The following RANBP2 variants were observed in gnomAD, a reference collection of about 807,000 sequenced individuals.
RANBP2 encodes the protein E3 SUMO-protein ligase RanBP2.
Under a neutral mutation model 303.6 loss-of-function variants are expected in RANBP2, and 57 were observed. The observed-to-expected ratio is 0.19, with a 90% confidence interval of 0.15 to 0.23. The LOEUF (loss-of-function observed/expected upper bound fraction) is 0.23, where lower values mean the gene tolerates loss of function less well. RANBP2 is among the 10% of genes least tolerant of loss of function. The probability of loss-of-function intolerance (pLI) is 1.00; values close to 1 mark genes in which losing one functional copy is unlikely to be tolerated. For synonymous variants in RANBP2, 1,167 were observed against 1,301.5 expected (o/e 0.90, Z 2.23); for missense variants, 3,138 against 3,780.8 (o/e 0.83, Z 4.46).
At chr2:108,934,033 C>G in the RANBP2 span, among the ~76,000 whole-genome samples, 1 of 152,172 alleles carries the variant, frequency 6.6e-6, no homozygotes, top group Non-Finnish European at 1.5e-5. Flanking sequence ...AGCTGAGCCT[C>G]GGAGGGCTTC....
the RANBP2 span, among the ~76,000 whole-genome samples, chr2:109,248,250 G>A: frequency 5.9e-5 from 9 of 152,126 alleles, no homozygotes; most frequent in South Asian, 4.1e-4. Flanking sequence ...AATAAACAAG[G>A]TCACTTCTCT....
the RANBP2 span, among the ~76,000 whole-genome samples, chr2:109,737,700 A>G: frequency 5.6e-4 from 86 of 152,276 alleles, 1 homozygote; most frequent in East Asian, 0.013. Flanking sequence ...CCAACAGTGT[A>G]AAAGAATTCC....
the RANBP2 span, among the ~76,000 whole-genome samples, chr2:109,264,137 G>A: frequency 4.6e-5 from 7 of 151,472 alleles, no homozygotes; most frequent in African/African-American, 9.7e-5. Context: ...GATCCACCTC[G>A]AGTCTGTGGG....
the RANBP2 span, among the ~76,000 whole-genome samples, chr2:109,645,461 G>A: frequency 6.6e-6 from 1 of 152,168 alleles, no homozygotes; most frequent in Non-Finnish European, 1.5e-5. Context: ...ATTAGTAAGC[G>A]AAACTACGCC....
the RANBP2 span, among the ~76,000 whole-genome samples, chr2:109,333,549 C>A: frequency 6.6e-6 from 1 of 152,232 alleles, no homozygotes; most frequent in Non-Finnish European, 1.5e-5. Flanking sequence ...AACACAATCT[C>A]ACCCACTAAT....
At chr2:109,656,850 T>TA in the RANBP2 span, among the ~76,000 whole-genome samples, 4 of 151,968 alleles carry the variant, frequency 2.6e-5, no homozygotes, top group Non-Finnish European at 4.4e-5. Flanking sequence ...AAATGGAGAG[T>TA]AGATGAAGCA....
At chr2:108,881,014 T>A in the RANBP2 span, among the ~76,000 whole-genome samples, 1 of 152,226 alleles carries the variant, frequency 6.6e-6, no homozygotes, top group Non-Finnish European at 1.5e-5. Flanking sequence ...CGAATGACTT[T>A]GAGGGGTTTA....
the RANBP2 span, among the ~76,000 whole-genome samples, chr2:109,009,816 G>A: frequency 6.6e-6 from 1 of 150,912 alleles, no homozygotes; most frequent in Admixed American, 6.6e-5. Flanking sequence ...CAAGGCATGA[G>A]CTACCACAGC....
chr2:109,369,327 G>A, the RANBP2 span, among the ~76,000 whole-genome samples: 1 of 152,106 alleles, frequency 6.6e-6, no homozygotes, highest in African/African-American at 2.4e-5. Flanking sequence ...CCAGTCTGGC[G>A]ACAGCACAAG....
chr2:109,602,515 A>C, the RANBP2 span, among the ~76,000 whole-genome samples: 1 of 151,966 alleles, frequency 6.6e-6, no homozygotes, highest in Non-Finnish European at 1.5e-5. Flanking sequence ...ATCTCTACTA[A>C]AAGTACAAAA....
chr2:109,601,962 G>A, the RANBP2 span, among the ~76,000 whole-genome samples: 2 of 152,080 alleles, frequency 1.3e-5, no homozygotes, highest in Admixed American at 6.6e-5. Context: ...TGCGCTTCCC[G>A]AGGGAAAAAC....
chr2:109,087,593 C>T, the RANBP2 span, among the ~76,000 whole-genome samples: 2 of 152,174 alleles, frequency 1.3e-5, no homozygotes, highest in South Asian at 4.1e-4. Flanking sequence ...GTTTTGGGTT[C>T]AAGTCCTCCT....
At chr2:108,952,370 A>G in the RANBP2 span, among the ~76,000 whole-genome samples, 4 of 152,192 alleles carry the variant, frequency 2.6e-5, no homozygotes, top group South Asian at 2.1e-4. Flanking sequence ...AGTACACAAG[A>G]TAGGAGAGGA....
chr2:109,055,896 A>T, the RANBP2 span, among the ~76,000 whole-genome samples: 1 of 149,380 alleles, frequency 6.7e-6, no homozygotes, highest in Non-Finnish European at 1.5e-5. Flanking sequence ...AGTAGCTGGG[A>T]TTACAGGTAC....
the RANBP2 span, among the ~76,000 whole-genome samples, chr2:109,761,357 C>T: frequency 6.6e-6 from 1 of 151,168 alleles, no homozygotes; most frequent in Non-Finnish European, 1.5e-5. Context: ...GGCCTTAGCC[C>T]AGGGAGACTC....
At chr2:109,020,862 T>C in the RANBP2 span, among the ~76,000 whole-genome samples, 1 of 152,106 alleles carries the variant, frequency 6.6e-6, no homozygotes, top group African/African-American at 2.4e-5. Flanking sequence ...CAAGGGCAGA[T>C]TGTTTGTGGG....
At chr2:109,579,977 T>C in the RANBP2 span, among the ~76,000 whole-genome samples, 3 of 151,490 alleles carry the variant, frequency 2.0e-5, 1 homozygote, top group South Asian at 4.2e-4. Context: ...AAAAATTAGC[T>C]GGGCGTGGTG....
chr2:109,401,776 C>T, the RANBP2 span, among the ~76,000 whole-genome samples: 1 of 152,144 alleles, frequency 6.6e-6, no homozygotes, highest in African/African-American at 2.4e-5. Context: ...GTTGCCATGG[C>T]CTCCGTGTTA....
At chr2:109,183,788 A>T in the RANBP2 span, among the ~76,000 whole-genome samples, 1,221 of 152,294 alleles carry the variant, frequency 8.0e-3, 12 homozygotes, top group East Asian at 0.04. Context: ...TTTACATATA[A>T]GGAGGTAAGG....
Sources: allele counts gnomAD v4.1 joint callset (sites outside exome capture counted in the v4.1 genomes callset), GRCh38; gene constraint gnomAD v4.1.1; transcripts MANE v1.5; gene names NCBI Gene and HGNC (gene_info 2026-07-23, HGNC 2026-07-21).